The following SDK1 variants were observed in gnomAD, a reference collection of about 807,000 sequenced individuals.
The protein encoded by SDK1 is protein sidekick-1.
A neutral mutation model predicts 245.5 loss-of-function variants in SDK1; 157 were observed. The ratio of observed to expected loss-of-function variants is 0.64; its 90% CI spans 0.56 to 0.73. SDK1 has a LOEUF of 0.73. Ranked by LOEUF, SDK1 falls within the 30% of genes least tolerant of loss-of-function variation. SDK1 has a pLI of 0.00. For synonymous variants in SDK1, 1,647 were observed against 1,278.5 expected (o/e 1.29, Z -6.15); for missense variants, 3,583 against 3,002.3 (o/e 1.19, Z -4.52).
intron 29 of SDK1, among the ~76,000 whole-genome samples, chr7:4,147,165 T>C (rs563525297): frequency 6.6e-6 from 1 of 152,182 alleles, no homozygotes; most frequent in Admixed American, 6.5e-5. Context: ...AGCACACAGT[T>C]CTGGCCACGC....
At chr7:3,702,607 G>A (rs1180692901) in intron 4 of SDK1, among the ~76,000 whole-genome samples, 1 of 152,180 alleles carries the variant, frequency 6.6e-6, no homozygotes, top group Non-Finnish European at 1.5e-5. Flanking sequence ...CAGCACAGAG[G>A]CTGTTCTTTC....
rs541070597 is a variant in SDK1 at position 3,843,700 on chromosome 7, A to G, written c.847+22117A>G. On this transcript the variant is annotated intron_variant, in intron 5 of 44. Coordinates refer to ENST00000404826, the MANE Select transcript of SDK1 (RefSeq NM_152744.4). ...CAGAATGAAAGCCTGGGTCTGTTTC[A>G]TAGGAAACTCGCCTGACGATGAAGC... Among the ~76,000 whole-genome samples, 13 of 152,300 alleles carry G rather than the reference A, an allele frequency of 8.5e-5. 1 individual carries two copies. In the South Asian group the frequency reaches 2.7e-3, roughly 32 times the overall value.
At chr7:3,492,418 G>A (rs955188168) in intron 1 of SDK1, among the ~76,000 whole-genome samples, 11 of 152,134 alleles carry the variant, frequency 7.2e-5, no homozygotes, top group African/African-American at 2.2e-4. Flanking sequence ...GGCGTGAACC[G>A]GCAAGGTGGA....
intron 39 of SDK1, 107 bp downstream of exon 39, chr7:4,220,377 G>C (rs114640699): frequency 3.2e-6 from 4 of 1,256,512 alleles, no homozygotes; most frequent in Non-Finnish European, 4.4e-6. Context: ...TGATGTTGGC[G>C]GCCAAGAGCT....
intron 5 of SDK1, among the ~76,000 whole-genome samples, chr7:3,876,339 T>A (rs1158214304): frequency 6.6e-6 from 1 of 152,202 alleles, no homozygotes; most frequent in Non-Finnish European, 1.5e-5. Context: ...GCAAAACAAG[T>A]TTTTGACATC....
At chr7:3,645,082 A>G (rs1052821410) in intron 4 of SDK1, among the ~76,000 whole-genome samples, 3 of 152,344 alleles carry the variant, frequency 2.0e-5, no homozygotes, top group South Asian at 2.1e-4. Context: ...TGTTCTCACT[A>G]TATGCATGAG....
At chr7:3,848,593 C>T (rs916070341) in intron 5 of SDK1, among the ~76,000 whole-genome samples, 1 of 152,088 alleles carries the variant, frequency 6.6e-6, no homozygotes, top group Non-Finnish European at 1.5e-5. Context: ...TCATAGAGTA[C>T]ACACTTAGCC....
chr7:3,674,688 C>T lies in SDK1; in HGVS notation c.713+32583C>T, dbSNP rs1783833910. Reference sequence around the variant, plus strand: ...TTCAGTGTTTGATAACTATAACTGGCTCTTGGCAGGGAAGAGCCCTGATGT... The same window carrying T: ...TTCAGTGTTTGATAACTATAACTGGTTCTTGGCAGGGAAGAGCCCTGATGT... On this transcript the variant is annotated intron_variant, in intron 4 of 44. Transcript: ENST00000404826. Among the ~76,000 whole-genome samples the T allele has an allele frequency of 1.3e-5, 2 of 152,140 alleles. 1 individual carries two copies. The highest frequency in any genetic ancestry group is 4.1e-4 in the South Asian group (2 of 4,820).
At chr7:3,842,747 T>C (rs1419410037) in intron 5 of SDK1, among the ~76,000 whole-genome samples, 2 of 152,036 alleles carry the variant, frequency 1.3e-5, no homozygotes, top group African/African-American at 2.4e-5. Context: ...TTGTGCTCCT[T>C]TTCTCCCTCA....
At chr7:4,024,291 C>G (rs1192678690) in intron 17 of SDK1, among the ~76,000 whole-genome samples, 3 of 152,212 alleles carry the variant, frequency 2.0e-5, no homozygotes, top group Non-Finnish European at 2.9e-5. Context: ...AATGAGCACT[C>G]TGTTTGCAAG....
intron 1 of SDK1, among the ~76,000 whole-genome samples, chr7:3,381,126 AGT>A (rs1270517769): frequency 1.3e-5 from 2 of 152,150 alleles, no homozygotes; most frequent in Non-Finnish European, 2.9e-5. Context: ...GAGTATACAG[AGT>A]AAGAAGAGAA....
chr7:3,962,479 C>G (rs1312436768), intron 8 of SDK1, among the ~76,000 whole-genome samples, 178 bp from the exon 9 acceptor site: 1 of 152,228 alleles, frequency 6.6e-6, no homozygotes, highest in Non-Finnish European at 1.5e-5. Flanking sequence ...CAACACCCCT[C>G]CGTGTCGATG....
chr7:3,401,186 T>A (rs73052671), intron 1 of SDK1, among the ~76,000 whole-genome samples: 4,911 of 152,300 alleles, frequency 0.032, 143 homozygotes, highest in African/African-American at 0.061. Flanking sequence ...CTTGATGATG[T>A]CAGCCACTTA....
chr7:3,735,998 G>A (rs1779308843), intron 4 of SDK1, among the ~76,000 whole-genome samples: 1 of 152,100 alleles, frequency 6.6e-6, no homozygotes, highest in Non-Finnish European at 1.5e-5. Context: ...TTGGAGAAAT[G>A]TCCATTCAAG....
chr7:3,390,881 G>C (rs1351867812), intron 1 of SDK1, among the ~76,000 whole-genome samples: 1 of 152,110 alleles, frequency 6.6e-6, no homozygotes, highest in Admixed American at 6.6e-5. Context: ...TGTTATGGTA[G>C]CCCTAGGAAA....
At chr7:3,843,046 T>C (rs538604033) in intron 5 of SDK1, among the ~76,000 whole-genome samples, 1 of 152,170 alleles carries the variant, frequency 6.6e-6, no homozygotes, top group African/African-American at 2.4e-5. Flanking sequence ...GGAAAACCCA[T>C]GTGTAATGAA....
intron 13 of SDK1, among the ~76,000 whole-genome samples, chr7:3,976,034 G>A (rs12701329): frequency 0.025 from 40 of 1,630 alleles, 6 homozygotes; most frequent in South Asian, 0.036. Flanking sequence ...AGAATCACTG[G>A]GGGTCCCGGG....
rs557621845 is a variant in SDK1, at chr7:3,589,500, A to G, written c.299-29580A>G. ...CTGTGAGCACCATTTTTGGAAGTAC[A>G]TTTTCATATTGCATGAAGAAATACC... On this transcript the variant is annotated intron_variant, in intron 1 of 44. Transcript: ENST00000404826. 1.5e-4 allele frequency among the ~76,000 whole-genome samples: 23 copies of G among 152,318 alleles called. No individual in the cohort carries two copies. The South Asian group carries it at 4.6e-3, about 30-fold the overall frequency.
chr7:3,535,588 G>A (rs972319167), intron 1 of SDK1, among the ~76,000 whole-genome samples: 2 of 152,106 alleles, frequency 1.3e-5, no homozygotes, highest in Non-Finnish European at 1.5e-5. Context: ...TAAAGCGCGG[G>A]CCTTCTATAA....
Sources: gnomAD v4.1 joint callset for allele counts (sites outside exome capture counted in the v4.1 genomes callset) on GRCh38, gnomAD v4.1.1 for gene constraint, MANE v1.5 for transcripts, NCBI Gene and HGNC (gene_info 2026-07-23, HGNC 2026-07-21) for gene names.